Variants in TUBD1 observed in about 807,000 individuals in gnomAD.
TUBD1 encodes tubulin delta chain.
TUBD1 carries 38 observed loss-of-function variants against 51.2 expected under a neutral mutation model. The ratio of observed to expected loss-of-function variants is 0.74; its 90% CI spans 0.57 to 0.97. TUBD1 has a LOEUF of 0.97. Ranked by LOEUF, TUBD1 falls within the 50% of genes least tolerant of loss-of-function variation. The probability of loss-of-function intolerance (pLI) is 0.00; values close to 1 mark genes in which losing one functional copy is unlikely to be tolerated. For synonymous variants in TUBD1, 169 were observed against 178.2 expected, an observed-to-expected ratio of 0.95 and a Z score of 0.41; for missense variants, 489 against 538.4, an observed-to-expected ratio of 0.91 and a Z score of 0.91.
At chr17:59,872,112 C>A (rs778334200) in intron 6 of TUBD1, among the ~76,000 whole-genome samples, 2 of 152,042 alleles carry the variant, frequency 1.3e-5, no homozygotes, top group African/African-American at 2.4e-5. Context: ...TGCCATCACG[C>A]CTCGCTAATT....
chr17:59,886,333 A>G, intron 2 of TUBD1, 103 bp from the exon 3 acceptor site: 2 of 1,276,082 alleles, frequency 1.6e-6, no homozygotes, highest in Non-Finnish European at 2.1e-6. Flanking sequence ...AAAAAAAAAA[A>G]AAAAATTCCA....
At chr17:59,884,261 TAAAAA>T (rs60271226) in intron 3 of TUBD1, among the ~76,000 whole-genome samples, 1 of 123,452 alleles carries the variant, frequency 8.1e-6, no homozygotes, top group Non-Finnish European at 1.7e-5. Context: ...ACTCTTGTCT[TAAAAA>T]AAAAAAAAAA....
rs112811072 is a variant in TUBD1 at position 59,874,421 on chromosome 17, T to C, written c.934+118A>G. The C allele has an allele frequency of 1.3e-3, 1,225 of 924,596 alleles. 15 individuals carry two copies. The African/African-American group carries it at 0.018, about 14-fold the overall frequency. The allele number at this position is 924,596 out of a possible 1,614,324, so 57.3% of individuals were successfully genotyped here. A position where few individuals can be genotyped will look rare whatever the true frequency, so the allele number is the denominator to read the frequency against. On this transcript the variant is annotated intron_variant, in intron 6 of 8. Coordinates refer to ENST00000325752, the MANE Select transcript of TUBD1 (RefSeq NM_016261.4). The stretch of plus-strand genomic sequence containing the variant: ...ATGTCCTGGTGAGTTTCTGCCGGAG[T>C]CTCTCTAGCCAGAAAAAGGGACCAT...
rs2144443251 is a variant in TUBD1 at position 59,866,600 on chromosome 17, A to C, written c.1075+9T>G. 6.2e-7 allele frequency: 1 copy of C among 1,612,142 alleles called. No individual in the cohort carries two copies. The highest frequency in any genetic ancestry group is 2.2e-5 in the East Asian group (1 of 44,862). ...AATGTAAATCTTAATTTTCACCTGA[A>C]TTTCTTACCCACATCTGCACTTTGC... is the stretch of plus-strand genomic sequence containing the variant. On this transcript the variant is annotated intron_variant, in intron 7 of 8. Transcript: ENST00000325752.
rs527329161 is a variant in TUBD1 at position 59,871,475 on chromosome 17, G to A, written c.934+3064C>T. Among the ~76,000 whole-genome samples the A allele has an allele frequency of 2.6e-5, 4 of 152,254 alleles. No individual in the cohort carries two copies. The South Asian group carries it at 8.3e-4, about 32-fold the overall frequency. On this transcript the variant is annotated intron_variant, in intron 6 of 8. Transcript: ENST00000325752. ...GGCCTCCCAAAGTGCTGGGATTACA[G>A]GTGTGAGCCACTGCACCCGGCCAGA...
At chr17:59,868,035 G>A (rs1006821046) in intron 6 of TUBD1, among the ~76,000 whole-genome samples, 1 of 149,886 alleles carries the variant, frequency 6.7e-6, no homozygotes, top group African/African-American at 2.5e-5. Context: ...GGCTGAGGCA[G>A]GCGGATCACT....
At chr17:59,864,176 C>T (rs1049680068) in intron 7 of TUBD1, among the ~76,000 whole-genome samples, 13 of 150,774 alleles carry the variant, frequency 8.6e-5, no homozygotes, top group African/African-American at 1.7e-4. Flanking sequence ...TTTTTTGAGA[C>T]AGCCTGTTGC....
At chr17:59,883,262 A>ATT (rs1233023858) in intron 3 of TUBD1, among the ~76,000 whole-genome samples, 1 of 139,322 alleles carries the variant, frequency 7.2e-6, no homozygotes, top group Non-Finnish European at 1.6e-5. Context: ...CACCCATCTA[A>ATT]TTTTTTTTTT....
Position 59,878,332 on chromosome 17 carries a change from A to C in TUBD1, c.540T>G (p.Val180=). The C allele has an allele frequency of 6.2e-7, 1 of 1,608,498 alleles. No homozygotes were observed. The highest frequency in any genetic ancestry group is 8.5e-7 in the Non-Finnish European group (1 of 1,174,984). ...AAATGGAGTTGTAGTTTTGAACAAT[A>C]ACCTGGAGAGGAAAAGGTCAGAAAA... The part of the protein sequence containing the change: ...QIIWPYGTGE[V]IVQNYNSILT... The change falls in exon 5 of 9, where the codon GTT becomes GTG. Residue 180 remains valine, a splice_region_variant and synonymous_variant. Coordinates refer to ENST00000325752, the MANE Select transcript of TUBD1 (RefSeq NM_016261.4).
Position 59,878,124 on chromosome 17 carries a change from G to C in TUBD1, c.748C>G (p.His250Asp), listed in dbSNP as rs764723436. 1.9e-6 allele frequency: 3 copies of C among 1,613,922 alleles called. No individual in the cohort carries two copies. Among genetic ancestry groups the C allele is most frequent in the Non-Finnish European group, 2.5e-6 (3 of 1,179,958 alleles). The change falls in exon 5 of 9, where the codon CAC becomes GAC. Residue 250 changes from histidine to aspartate, a missense_variant. Transcript: ENST00000325752. ...ATACCTAGTGGATTTCGTCTGTAGT[G>C]AAATGAGCTTTCTGCAGAATAAGTA... The part of the protein sequence containing the change: ...QPTYSAESSF[H>D]YRRNPLGDLM...
chr17:59,869,479 G>A (rs1472400486), intron 6 of TUBD1, among the ~76,000 whole-genome samples: 2 of 147,274 alleles, frequency 1.4e-5, no homozygotes, highest in African/African-American at 5.0e-5. Context: ...TGTCCCCCCC[G>A]CCAAAAAAAA....
At chr17:59,883,978 T>A (rs999607598) in intron 3 of TUBD1, among the ~76,000 whole-genome samples, 1 of 151,812 alleles carries the variant, frequency 6.6e-6, no homozygotes, top group Non-Finnish European at 1.5e-5. Context: ...GTGCTGCACA[T>A]GGCTGGGCAC....
chr17:59,890,276 G>A (rs539920622), intron 2 of TUBD1, among the ~76,000 whole-genome samples: 6 of 152,166 alleles, frequency 3.9e-5, no homozygotes, highest in South Asian at 4.1e-4. Flanking sequence ...ATGGAGTCTC[G>A]CTCTGTCACC....
intron 2 of TUBD1, among the ~76,000 whole-genome samples, chr17:59,889,744 C>A (rs71373809): frequency 1.3e-5 from 2 of 150,544 alleles, no homozygotes; most frequent in African/African-American, 4.9e-5. Context: ...CCAAGGCAGG[C>A]GGATCACTTG....
At position 59,890,897 on chromosome 17, in the gene TUBD1, T is replaced by C. The variant is rs758436504; in HGVS notation, c.106A>G (p.Met36Val). The change falls in exon 2 of 9, where the codon ATG (methionine) becomes GTG (valine). Residue 36 changes from methionine (M) to valine (V), a missense_variant. Coordinates refer to ENST00000325752, the MANE Select transcript of TUBD1 (RefSeq NM_016261.4). ...GCTTGATATGCCTCATTCTCTCTCA[T>C]AGAGCAGAGTCCCTGGGAACTGTGT... ...DSHSSQGLCSMRENEAYQASC... is the reference protein window; with the variant it reads ...DSHSSQGLCSVRENEAYQASC... The C allele has an allele frequency of 5.6e-6, 9 of 1,613,872 alleles. No individual in the cohort carries two copies. Among genetic ancestry groups the C allele is most frequent in the Admixed American group, 5.0e-5 (3 of 59,930 alleles).
chr17:59,876,170 TAA>T lies in TUBD1; in HGVS notation c.770-1469_770-1468del, dbSNP rs563914816. On this transcript the variant is annotated intron_variant, in intron 5 of 8. Transcript: ENST00000325752. ...TAGTCAGAAAATAATTCATGAGCAC[TAA>T]GGCATGAATTCTTTTTTTTTTCTTT... Among the ~76,000 whole-genome samples, 853 of 137,158 alleles carry T rather than the reference TAA, an allele frequency of 6.2e-3. 5 individuals are homozygous for T. The highest frequency in any genetic ancestry group is 8.8e-3 in the Non-Finnish European group (580 of 65,730). 90.0% of individuals were successfully genotyped at this position (137,158 alleles called of 152,430 possible). A position where few individuals can be genotyped will look rare whatever the true frequency, so the allele number is the denominator to read the frequency against.
At chr17:59,870,590 T>C (rs1369676172) in intron 6 of TUBD1, among the ~76,000 whole-genome samples, 1 of 151,964 alleles carries the variant, frequency 6.6e-6, no homozygotes, top group East Asian at 1.9e-4. Flanking sequence ...TAGAGAACCT[T>C]TGGAAAACCA....
intron 2 of TUBD1, among the ~76,000 whole-genome samples, chr17:59,887,096 G>T (rs1178786671): frequency 2.0e-4 from 31 of 152,180 alleles, no homozygotes; most frequent in Admixed American, 1.9e-3. Flanking sequence ...TGAGGCAGGA[G>T]AATTGCTTGA....
In TUBD1 at chr17:59,879,371, G is replaced by A. The variant is rs1193748546; in HGVS notation, c.538-1037C>T. ...ATGAATCCCAACATGAGGTCAAGGT[G>A]TCTGCTTTATGTACTGGAGTGAGAG... On this transcript the variant is annotated intron_variant, in intron 4 of 8. Coordinates refer to ENST00000325752, the MANE Select transcript of TUBD1 (RefSeq NM_016261.4). Among the ~76,000 whole-genome samples the A allele has an allele frequency of 3.3e-5, 5 of 152,164 alleles. No individual in the cohort carries two copies. In the East Asian group the frequency reaches 7.7e-4, roughly 23 times the overall value.
Sources: gnomAD v4.1 joint callset for allele counts (sites outside exome capture counted in the v4.1 genomes callset) on GRCh38, gnomAD v4.1.1 for gene constraint, MANE v1.5 for transcripts, NCBI Gene and HGNC (gene_info 2026-07-23, HGNC 2026-07-21) for gene names.